HPS4: variants seen among roughly 807,000 people sequenced by gnomAD.
HPS4 encodes the protein BLOC-3 complex member HPS4.
In HPS4, 44 loss-of-function variants were observed where a neutral mutation model predicts 70.3. The ratio of observed to expected loss-of-function variants is 0.63; its 90% confidence interval spans 0.49 to 0.80. HPS4 has a LOEUF of 0.80. Ranked by LOEUF, HPS4 falls within the 30% of genes least tolerant of loss-of-function variation. The pLI, the probability that HPS4 is intolerant of heterozygous loss-of-function variation, is 0.00. For synonymous variants in HPS4, 377 were observed against 355.9 expected, an observed-to-expected ratio of 1.06 and a Z score of -0.67; for missense variants, 873 against 884.4, an observed-to-expected ratio of 0.99 and a Z score of 0.16.
chr22:26,456,041 C>A (rs567035226), intron 13 of HPS4, among the ~76,000 whole-genome samples: 2 of 152,324 alleles, frequency 1.3e-5, no homozygotes, highest in South Asian at 4.1e-4. Flanking sequence ...AGAGAAGACA[C>A]ATTTCTGACA....
intron 7 of HPS4, among the ~76,000 whole-genome samples, chr22:26,469,229 T>C (rs2089316154): frequency 6.8e-6 from 1 of 147,172 alleles, no homozygotes; most frequent in South Asian, 2.1e-4. Flanking sequence ...GGAGAATAAC[T>C]TGAGCTTAGG....
downstream of HPS4, chr22:26,443,369 G>T: frequency 3.4e-6 from 2 of 589,742 alleles, no homozygotes; most frequent in South Asian, 2.1e-5. Flanking sequence ...TCTTTCCCTT[G>T]GTTATTGTAA....
At chr22:26,456,723 CAT>C (rs1164639480) in intron 13 of HPS4, among the ~76,000 whole-genome samples, 1 of 149,798 alleles carries the variant, frequency 6.7e-6, no homozygotes, top group African/African-American at 2.5e-5. Flanking sequence ...CTAATATACA[CAT>C]TGCCAGCACT....
chr22:26,444,430 C>T (rs1182456451), exon 4 of HPS4: 1 of 152,166 alleles, frequency 6.6e-6, no homozygotes, highest in Non-Finnish European at 1.5e-5. Context: ...GTTTTCTGGT[C>T]TCCTGTGAAG....
intron 5 of HPS4, 98 bp downstream of exon 5, chr22:26,472,734 T>TATGA (rs2090005606): frequency 3.2e-6 from 3 of 943,748 alleles, no homozygotes; most frequent in Non-Finnish European, 5.3e-6. Flanking sequence ...AATGTGTTTA[T>TATGA]ATGAAGTATA....
In HPS4 at chr22:26,461,621, G is replaced by A. The variant is rs115667216; in HGVS notation, c.1713+2296C>T. 2.9e-3 allele frequency among the ~76,000 whole-genome samples: 440 copies of A among 152,266 alleles called. 3 individuals carry two copies. The highest frequency in any genetic ancestry group is 0.01 in the African/African-American group (416 of 41,538). ...ATCATTAAGGAGCCCTTGCAAAAGG[G>A]GTGTGCTCACCGTAACTGGGGGTAT... On this transcript the variant is annotated intron_variant, in intron 11 of 13. Transcript: ENST00000398145.
At chr22:26,458,372 G>C (rs1225349277) in intron 12 of HPS4, 73 bp downstream of exon 12, 1 of 1,566,928 alleles carries the variant, frequency 6.4e-7, no homozygotes, top group African/African-American at 1.4e-5. Context: ...ATGATGCTGG[G>C]GCTCAAGTTC....
rs367810755 is a variant in HPS4, at chr22:26,464,097, G to C, written c.1533C>G (p.Gly511=). Residue 511 remains glycine, a synonymous_variant, in exon 11 of 14, where the codon GGC becomes GGG. Coordinates refer to ENST00000398145, the MANE Select transcript of HPS4 (RefSeq NM_022081.6). ...GGCCAGCACCCTGACAGTTTGCTGA[G>C]CCTGAACTGCATTCCAGACCAGGGG... is the stretch of plus-strand genomic sequence containing the variant. ...HAAPGLECSS[G]SANCQGAGPS... 6.2e-7 allele frequency: 1 copy of C among 1,614,274 alleles called. No homozygotes were observed. The highest frequency in any genetic ancestry group is 1.7e-5 in the Admixed American group (1 of 60,030).
At chr22:26,471,145 T>C (rs2089737411) in intron 6 of HPS4, 1 of 428,348 alleles carries the variant, frequency 2.3e-6, no homozygotes, top group Non-Finnish European at 4.4e-6. Context: ...TGCTAAGACC[T>C]CACGGCAGCA....
chr22:26,465,595 G>C, intron 9 of HPS4, 44 bp from the exon 10 acceptor site: 2 of 1,521,916 alleles, frequency 1.3e-6, no homozygotes, highest in Non-Finnish European at 1.8e-6. Flanking sequence ...CCCTGAGCCA[G>C]AGAGGGCAGC....
At chr22:26,479,670 A>C in intron 2 of HPS4, 1 of 1,210,386 alleles carries the variant, frequency 8.3e-7, no homozygotes, top group Non-Finnish European at 1.0e-6. Context: ...TAACTATACA[A>C]CCACATGGTC....
At chr22:26,469,668 T>C (rs1413232930) in intron 7 of HPS4, among the ~76,000 whole-genome samples, 2 of 119,282 alleles carry the variant, frequency 1.7e-5, no homozygotes, top group African/African-American at 3.3e-5. Flanking sequence ...CTGGGCAACA[T>C]AGCAAGACCT....
intron 9 of HPS4, 75 bp from the exon 10 acceptor site, chr22:26,465,626 G>A (rs556773320): frequency 2.8e-5 from 34 of 1,196,070 alleles, no homozygotes; most frequent in Non-Finnish European, 3.7e-5. Flanking sequence ...CTGCACTGGC[G>A]TGATGCATCC....
At chr22:26,449,867 G>A (rs2085084436), downstream of HPS4, among the ~76,000 whole-genome samples, 1 of 152,194 alleles carries the variant, frequency 6.6e-6, no homozygotes, top group Non-Finnish European at 1.5e-5. Flanking sequence ...CGGTTCTGGA[G>A]GCCGAAGTCT....
chr22:26,471,149 G>A (rs187855907), intron 6 of HPS4: 8 of 420,646 alleles, frequency 1.9e-5, no homozygotes, highest in Admixed American at 6.9e-5. Context: ...AAGACCTCAC[G>A]GCAGCAGAAG....
chr22:26,471,690 C>T (rs1326170852), intron 6 of HPS4, among the ~76,000 whole-genome samples: 1 of 152,158 alleles, frequency 6.6e-6, no homozygotes, highest in Non-Finnish European at 1.5e-5. Context: ...AAGGCTGAGC[C>T]ACAGTGCTAC....
In HPS4 at chr22:26,472,940, C is replaced by G; in HGVS notation, c.277-1G>C. ...GGAGCTCCACAGCACAGCCCAGCAC[C>G]TGTAAAGAGAGAAACCAGGAAGACA... On this transcript the variant is annotated splice_acceptor_variant, in intron 4 of 13. Transcript: ENST00000398145. LOFTEE classifies it high-confidence loss of function. 6.2e-7 allele frequency: 1 copy of G among 1,613,898 alleles called. No individual in the cohort carries two copies. The highest frequency in any genetic ancestry group is 2.2e-5 in the East Asian group (1 of 44,876).
downstream of HPS4, among the ~76,000 whole-genome samples, chr22:26,448,151 CAGA>C (rs1470584635): frequency 6.6e-6 from 1 of 152,208 alleles, no homozygotes; most frequent in Non-Finnish European, 1.5e-5. Flanking sequence ...CCTCAACATG[CAGA>C]AGGACCACAC....
downstream of HPS4, among the ~76,000 whole-genome samples, chr22:26,446,796 G>A (rs150678503): frequency 7.2e-5 from 11 of 152,224 alleles, no homozygotes; most frequent in East Asian, 1.5e-3. Context: ...GTGCAGTGGC[G>A]CAATCTCGGC....
Sources: gnomAD v4.1 joint callset for allele counts (sites outside exome capture counted in the v4.1 genomes callset) on GRCh38, gnomAD v4.1.1 for gene constraint, MANE v1.5 for transcripts, NCBI Gene and HGNC (gene_info 2026-07-23, HGNC 2026-07-21) for gene names.